The following KREMEN1 variants were observed in gnomAD, a reference collection of about 807,000 sequenced individuals.
The protein encoded by KREMEN1 is kringle containing transmembrane protein 1, also known as kremen protein 1.
KREMEN1 carries 30 observed loss-of-function variants against 46.5 expected under a neutral mutation model. The ratio of observed to expected loss-of-function variants is 0.65; its 90% CI spans 0.48 to 0.88. The LOEUF is 0.88. Among genes scored for constraint, KREMEN1 ranks in the 40% least tolerant of loss-of-function variants. The pLI is 0.00. For synonymous variants in KREMEN1, 214 were observed against 230.6 expected (o/e 0.93, Z 0.65); for missense variants, 533 against 596.9 (o/e 0.89, Z 1.11).
At chr22:29,120,454 AG>A in intron 3 of KREMEN1, among the ~76,000 whole-genome samples, 1 of 95,114 alleles carries the variant, frequency 1.1e-5, no homozygotes, top group African/African-American at 4.7e-5. Flanking sequence ...GGAAACAGGG[AG>A]GAGGGAGACG....
chr22:29,122,891 A>G (rs2145816870), intron 4 of KREMEN1, among the ~76,000 whole-genome samples: 1 of 140,688 alleles, frequency 7.1e-6, no homozygotes, highest in East Asian at 2.2e-4. Context: ...TAGTGAGCCG[A>G]GATCGCACCA....
intron 9 of KREMEN1, among the ~76,000 whole-genome samples, chr22:29,155,620 T>C (rs537094572): frequency 6.6e-6 from 1 of 152,312 alleles, no homozygotes; most frequent in Non-Finnish European, 1.5e-5. Flanking sequence ...CTTACATTCA[T>C]GCATTACATG....
chr22:29,120,510 A>G (rs2038334460), intron 3 of KREMEN1, among the ~76,000 whole-genome samples: 1 of 132,602 alleles, frequency 7.5e-6, no homozygotes, highest in Non-Finnish European at 1.6e-5. Context: ...AAGGAAACGG[A>G]GGAGGGAGAG....
At chr22:29,112,801 T>G (rs1221416276) in intron 3 of KREMEN1, among the ~76,000 whole-genome samples, 1 of 152,244 alleles carries the variant, frequency 6.6e-6, no homozygotes, top group Non-Finnish European at 1.5e-5. Context: ...AATATCCTTT[T>G]TCAAATTGGC....
chr22:29,157,205 G>A (rs1400069854), intron 9 of KREMEN1, among the ~76,000 whole-genome samples: 2 of 152,240 alleles, frequency 1.3e-5, no homozygotes, highest in African/African-American at 4.8e-5. Flanking sequence ...TCCCTTGGAT[G>A]TAGCCAGAGA....
chr22:29,087,504 T>C (rs1601755183), intron 1 of KREMEN1, among the ~76,000 whole-genome samples: 1 of 152,214 alleles, frequency 6.6e-6, no homozygotes, highest in African/African-American at 2.4e-5. Flanking sequence ...TTATTAAATC[T>C]TACCAAAGAT....
chr22:29,109,233 A>G (rs549921696), intron 3 of KREMEN1, among the ~76,000 whole-genome samples: 11 of 152,358 alleles, frequency 7.2e-5, no homozygotes, highest in Middle Eastern at 3.4e-3. Context: ...CAAATGTTCT[A>G]AAGCACAGTT....
chr22:29,120,057 GGGAGGAGGGAGAGGTGATGAAGGAAAT>G (rs1556009805), intron 3 of KREMEN1, among the ~76,000 whole-genome samples: 1,909 of 116,794 alleles, frequency 0.016, 190 homozygotes, highest in African/African-American at 0.018. Flanking sequence ...GATGGAAACA[GGGAGGAGGGAGAGGTGATGAAGGAAAT>G]GGAGGAGGGA....
chr22:29,080,723 A>G (rs2037639809), intron 1 of KREMEN1, among the ~76,000 whole-genome samples: 1 of 152,066 alleles, frequency 6.6e-6, no homozygotes, highest in African/African-American at 2.4e-5. Context: ...CAACTGGAGG[A>G]GATTTTGCCC....
chr22:29,085,210 A>G (rs1405110070), intron 1 of KREMEN1, among the ~76,000 whole-genome samples: 1 of 152,220 alleles, frequency 6.6e-6, no homozygotes, highest in African/African-American at 2.4e-5. Context: ...GTTCTTTGAA[A>G]AATTTTTTAT....
intron 9 of KREMEN1, among the ~76,000 whole-genome samples, chr22:29,152,530 C>T (rs954148332): frequency 2.0e-5 from 3 of 152,168 alleles, no homozygotes; most frequent in African/African-American, 4.8e-5. Flanking sequence ...GTGAGACGGG[C>T]GAGGCCTGCC....
Position 29,166,041 on chromosome 22 carries a change from A to G in KREMEN1, c.1417-1003A>G, listed in dbSNP as rs144711442. On this transcript the variant is annotated intron_variant, in intron 9 of 9. Coordinates refer to the KREMEN1 transcript ENST00000327813. The stretch of plus-strand genomic sequence containing the variant: ...TGGAAGGCAGGGTCACTATCAGAAG[A>G]CCTATCCCCTCACCACACACACACC... 1.9e-3 allele frequency among the ~76,000 whole-genome samples: 285 copies of G among 152,234 alleles called. 1 individual carries two copies. The highest frequency in any genetic ancestry group is 6.5e-3 in the African/African-American group (268 of 41,550).
chr22:29,148,786 G>A (rs2038892976), downstream of KREMEN1, among the ~76,000 whole-genome samples: 1 of 152,160 alleles, frequency 6.6e-6, no homozygotes, highest in Non-Finnish European at 1.5e-5. Context: ...GGCACACACA[G>A]ACTGCTCGTG....
chr22:29,122,765 C>A (rs996797009), intron 4 of KREMEN1, among the ~76,000 whole-genome samples: 2 of 151,690 alleles, frequency 1.3e-5, no homozygotes, highest in African/African-American at 4.8e-5. Flanking sequence ...TGGTGAAACC[C>A]CGTCTGTACT....
At chr22:29,116,581 A>C (rs1483476794) in intron 3 of KREMEN1, among the ~76,000 whole-genome samples, 1 of 152,206 alleles carries the variant, frequency 6.6e-6, no homozygotes, top group African/African-American at 2.4e-5. Flanking sequence ...AATGCAAGCC[A>C]TGGCCATGTT....
At chr22:29,130,713 A>G (rs911436545) in intron 5 of KREMEN1, among the ~76,000 whole-genome samples, 4 of 152,200 alleles carry the variant, frequency 2.6e-5, no homozygotes, top group Non-Finnish European at 4.4e-5. Context: ...TCCCAAAGAA[A>G]TGGACTCAGC....
rs142009668 is a variant in KREMEN1, at chr22:29,103,601, A to G, written c.352+4648A>G. Among the ~76,000 whole-genome samples, 281 of 152,240 alleles carry G rather than the reference A, an allele frequency of 1.8e-3. 1 individual carries two copies. The highest frequency in any genetic ancestry group is 5.9e-3 in the African/African-American group (247 of 41,542). On this transcript the variant is annotated intron_variant, in intron 3 of 8. Transcript: ENST00000400335. The stretch of plus-strand genomic sequence containing the variant: ...ATGCAGACTTCAAAAGCAAATTCCA[A>G]CGTCTTCGGGTTTAACATGTCTCTA...
intron 2 of KREMEN1, among the ~76,000 whole-genome samples, chr22:29,096,194 T>C (rs905867132): frequency 6.6e-6 from 1 of 152,196 alleles, no homozygotes; most frequent in African/African-American, 2.4e-5. Context: ...GTTGGTTGGG[T>C]TGGGAAGAGT....
chr22:29,103,502 T>G (rs1008790694), intron 3 of KREMEN1, among the ~76,000 whole-genome samples: 1 of 152,220 alleles, frequency 6.6e-6, no homozygotes, highest in Non-Finnish European at 1.5e-5. Flanking sequence ...TCGGAGGTAA[T>G]TGGATTTGCC....
Sources: allele counts gnomAD v4.1 joint callset (sites outside exome capture counted in the v4.1 genomes callset), GRCh38; gene constraint gnomAD v4.1.1; transcripts MANE v1.5; gene names NCBI Gene and HGNC (gene_info 2026-07-23, HGNC 2026-07-21).